Variants in UNC79 observed in about 807,000 individuals in gnomAD.
The protein encoded by UNC79 is protein unc-79 homolog.
Under a neutral mutation model 283.1 loss-of-function variants are expected in UNC79, and 37 were observed. The observed-to-expected ratio is 0.13, with a 90% CI of 0.10 to 0.17. The LOEUF (loss-of-function observed/expected upper bound fraction) is 0.17, where lower values mean the gene tolerates loss of function less well. Among genes scored for constraint, UNC79 ranks in the 10% least tolerant of loss-of-function variants. The probability of loss-of-function intolerance (pLI) is 1.00; values close to 1 mark genes in which losing one functional copy is unlikely to be tolerated. For synonymous variants in UNC79, 1,107 were observed against 1,200.2 expected (o/e 0.92, Z 1.61); for missense variants, 2,272 against 3,211.1 (o/e 0.71, Z 7.07).
At chr14:93,447,218 T>C (rs1294267703) in intron 1 of UNC79, among the ~76,000 whole-genome samples, 2 of 152,232 alleles carry the variant, frequency 1.3e-5, no homozygotes, top group East Asian at 3.8e-4. Context: ...GCTGTTTATC[T>C]GGCTTATGTT....
intron 31 of UNC79, among the ~76,000 whole-genome samples, chr14:93,635,451 C>T (rs1053313834): frequency 2.0e-5 from 3 of 152,288 alleles, no homozygotes; most frequent in Non-Finnish European, 4.4e-5. Flanking sequence ...ACCCTTGAAT[C>T]GGACTCTTTT....
chr14:93,681,273 T>C lies in UNC79; in HGVS notation c.6742-1344T>C, dbSNP rs1391877882. ...GCCCTCTTGCCCCCATTCAGTTACATATACTTACGTGCTTTCCATGGAGGA... is the reference window on the plus strand; with the variant it reads ...GCCCTCTTGCCCCCATTCAGTTACACATACTTACGTGCTTTCCATGGAGGA... On this transcript the variant is annotated intron_variant, in intron 41 of 48. Coordinates refer to ENST00000555664, the Ensembl canonical transcript of UNC79. Among the ~76,000 whole-genome samples the C allele has an allele frequency of 2.0e-5, 3 of 152,224 alleles. No individual in the cohort carries two copies. In the East Asian group the frequency reaches 5.8e-4, roughly 29 times the overall value.
rs545221797 is a variant in UNC79 at position 93,592,463 on chromosome 14, T to G, written c.3033-1217T>G. ...TGCTGGGATTACAGGCGTGAGCCAC[T>G]GCGCCTGGCCGACATAACTTTTCCT... On this transcript the variant is annotated intron_variant, in intron 22 of 48. Coordinates refer to ENST00000555664, the Ensembl canonical transcript of UNC79. Among the ~76,000 whole-genome samples the G allele has an allele frequency of 2.0e-5, 3 of 152,300 alleles. No individual in the cohort carries two copies. In the South Asian group the frequency reaches 6.2e-4, roughly 32 times the overall value.
exon 32 of UNC79, chr14:93,637,283 G>A (rs772332651): frequency 3.0e-5 from 49 of 1,612,508 alleles, no homozygotes; most frequent in Non-Finnish European, 3.8e-5. Context: ...TGGAGGGACA[G>A]CCATTGAGGA....
At chr14:93,575,299 G>T in intron 17 of UNC79, 101 bp downstream of exon 17, 1 of 1,469,482 alleles carries the variant, frequency 6.8e-7, no homozygotes, top group Non-Finnish European at 9.3e-7. Flanking sequence ...AACCAAAAAT[G>T]TGTTTTCAGC....
At chr14:93,631,470 T>C (rs1053644745) in intron 31 of UNC79, among the ~76,000 whole-genome samples, 3 of 152,216 alleles carry the variant, frequency 2.0e-5, no homozygotes, top group Admixed American at 2.0e-4. Context: ...TACTGGGTCC[T>C]AGATTTTGTC....
chr14:93,689,974 G>C, intron 44 of UNC79, 143 bp from the exon 48 acceptor site: 1 of 789,508 alleles, frequency 1.3e-6, no homozygotes, highest in Non-Finnish European at 2.0e-6. Flanking sequence ...TCATTTTGTT[G>C]ACACTCAATT....
chr14:93,524,133 C>A, intron 8 of UNC79, 91 bp downstream of exon 8: 2 of 1,392,346 alleles, frequency 1.4e-6, no homozygotes, highest in Non-Finnish European at 2.0e-6. Context: ...CTCTGTAAAG[C>A]AGAGGCATGT....
At chr14:93,646,724 G>C in intron 35 of UNC79, 78 bp downstream of exon 38, 1 of 1,514,406 alleles carries the variant, frequency 6.6e-7, no homozygotes, top group East Asian at 2.3e-5. Context: ...AAACACCAGT[G>C]TGGGGCTGGG....
At chr14:93,351,004 T>G (rs2053970834) in intron 1 of UNC79, among the ~76,000 whole-genome samples, 1 of 152,230 alleles carries the variant, frequency 6.6e-6, no homozygotes, top group African/African-American at 2.4e-5. Context: ...AGTCATGTAT[T>G]CTCCTGCTAT....
chr14:93,687,798 G>T (rs1329662805), intron 43 of UNC79, among the ~76,000 whole-genome samples: 1 of 152,102 alleles, frequency 6.6e-6, no homozygotes, highest in Non-Finnish European at 1.5e-5. Context: ...CAAAGAAGAG[G>T]AAACAATTAT....
intron 2 of UNC79, among the ~76,000 whole-genome samples, chr14:93,468,713 G>A (rs1473948060): frequency 6.6e-6 from 1 of 152,194 alleles, no homozygotes; most frequent in Non-Finnish European, 1.5e-5. Context: ...ATGCGATCAA[G>A]TCAGCTACGA....
chr14:93,410,155 G>A (rs2055305892), intron 1 of UNC79, among the ~76,000 whole-genome samples: 1 of 152,192 alleles, frequency 6.6e-6, no homozygotes, highest in Non-Finnish European at 1.5e-5. Flanking sequence ...CTTGGGAGTG[G>A]GTGAGTGCAG....
chr14:93,440,827 G>A (rs562230694), intron 1 of UNC79, among the ~76,000 whole-genome samples: 1 of 152,006 alleles, frequency 6.6e-6, no homozygotes, highest in East Asian at 1.9e-4. Flanking sequence ...AGCACATTGA[G>A]GTTTTTGCTG....
intron 22 of UNC79, among the ~76,000 whole-genome samples, chr14:93,588,765 A>AG (rs1566720350): frequency 2.7e-5 from 4 of 150,644 alleles, no homozygotes; most frequent in African/African-American, 4.9e-5. Flanking sequence ...AAAAAAAAAA[A>AG]AGAGAGAGAA....
chr14:93,560,712 T>C (rs145519834), intron 14 of UNC79, among the ~76,000 whole-genome samples: 7 of 152,204 alleles, frequency 4.6e-5, no homozygotes, highest in Admixed American at 3.3e-4. Context: ...AATTAGCAGG[T>C]AGCCACATGT....
intron 14 of UNC79, among the ~76,000 whole-genome samples, chr14:93,567,504 G>A (rs1233317242): frequency 2.7e-4 from 41 of 152,162 alleles, no homozygotes; most frequent in Admixed American, 2.4e-3. Context: ...TGGGATTACC[G>A]GTGTGAGCCA....
chr14:93,512,563 T>A lies in UNC79; in HGVS notation c.899-11415T>A, dbSNP rs189796772. ...CCAGAGGTATCAAATACTCCATTTT[T>A]AAAAAATGTTTACCTGTGCATTAGT... On this transcript the variant is annotated intron_variant, in intron 7 of 48. Transcript: ENST00000555664. 5.7e-3 allele frequency among the ~76,000 whole-genome samples: 872 copies of A among 152,272 alleles called. 4 individuals carry two copies. Among genetic ancestry groups the A allele is most frequent in the Non-Finnish European group, 9.7e-3 (662 of 68,006 alleles).
chr14:93,391,667 A>C (rs2054886122), intron 1 of UNC79, among the ~76,000 whole-genome samples: 1 of 152,170 alleles, frequency 6.6e-6, no homozygotes, highest in African/African-American at 2.4e-5. Flanking sequence ...GGCCTCAAGT[A>C]ATCCTCCCAC....
Sources: gnomAD v4.1 joint callset for allele counts (sites outside exome capture counted in the v4.1 genomes callset) on GRCh38, gnomAD v4.1.1 for gene constraint, MANE v1.5 for transcripts, NCBI Gene and HGNC (gene_info 2026-07-23, HGNC 2026-07-21) for gene names.